The following ALCAM variants were observed in gnomAD, a reference collection of about 807,000 sequenced individuals.
ALCAM encodes the protein CD166 antigen.
In ALCAM, 30 loss-of-function variants were observed where a neutral mutation model predicts 70.9. The ratio of observed to expected loss-of-function variants is 0.42; its 90% confidence interval spans 0.32 to 0.57. ALCAM has a LOEUF of 0.57. Among genes scored for constraint, ALCAM ranks in the 20% least tolerant of loss-of-function variants. The probability of loss-of-function intolerance (pLI) is 0.11; values close to 1 mark genes in which losing one functional copy is unlikely to be tolerated. For synonymous variants in ALCAM, 249 were observed against 242.5 expected, an observed-to-expected ratio of 1.03 and a Z score of -0.25; for missense variants, 591 against 695.1, an observed-to-expected ratio of 0.85 and a Z score of 1.68.
At chr3:105,488,329 G>T (rs1938487992) in intron 1 of ALCAM, among the ~76,000 whole-genome samples, 1 of 152,048 alleles carries the variant, frequency 6.6e-6, no homozygotes, top group Non-Finnish European at 1.5e-5. Flanking sequence ...GCCATCAGTG[G>T]TCAAAGAGCT....
intron 1 of ALCAM, among the ~76,000 whole-genome samples, chr3:105,502,020 C>A (rs1315950936): frequency 6.6e-6 from 1 of 152,192 alleles, no homozygotes; most frequent in African/African-American, 2.4e-5. Context: ...AAAACTCCAA[C>A]AGCAAATTAA....
In ALCAM at chr3:105,367,163, G is replaced by A. The variant is rs1280811996; in HGVS notation, c.-246G>A. 1.7e-5 allele frequency: 9 copies of A among 530,420 alleles called. No individual in the cohort carries two copies. The highest frequency in any genetic ancestry group is 3.1e-5 in the Non-Finnish European group (9 of 292,696). The allele number at this position is 530,420 out of a possible 1,614,324, so 32.9% of individuals were successfully genotyped here. Reference sequence around the variant, plus strand: ...ACAGAGGGTCGTTGTCCCCGGAGGAGCAGCCGAAGGGCCCGTGGGCTGGTG... The same window carrying A: ...ACAGAGGGTCGTTGTCCCCGGAGGAACAGCCGAAGGGCCCGTGGGCTGGTG... On this transcript the variant is annotated 5_prime_UTR_variant, in exon 1 of 16. Coordinates refer to ENST00000306107, the MANE Select transcript of ALCAM (RefSeq NM_001627.4).
chr3:105,379,511 A>G (rs532616968), intron 1 of ALCAM, among the ~76,000 whole-genome samples: 8 of 151,834 alleles, frequency 5.3e-5, no homozygotes, highest in Non-Finnish European at 1.2e-4. Context: ...TTAAAATTAT[A>G]AAGACATATG....
intron 1 of ALCAM, among the ~76,000 whole-genome samples, chr3:105,510,658 G>A (rs1044136347): frequency 1.1e-4 from 16 of 152,018 alleles, no homozygotes; most frequent in Non-Finnish European, 1.6e-4. Context: ...CCCAGAAGAG[G>A]GGTTCATGTC....
intron 14 of ALCAM, among the ~76,000 whole-genome samples, chr3:105,555,406 T>C (rs1365036224): frequency 6.6e-6 from 1 of 152,058 alleles, no homozygotes; most frequent in Non-Finnish European, 1.5e-5. Flanking sequence ...AGTTATTCCT[T>C]GCTTGTGCCT....
intron 8 of ALCAM, among the ~76,000 whole-genome samples, chr3:105,543,575 C>A (rs1039473045): frequency 1.3e-5 from 2 of 151,664 alleles, no homozygotes; most frequent in South Asian, 4.1e-4. Flanking sequence ...GAAGCGCCAA[C>A]CCATTCTTGC....
chr3:105,508,934 C>T (rs574010389), intron 1 of ALCAM, among the ~76,000 whole-genome samples: 1 of 152,058 alleles, frequency 6.6e-6, no homozygotes, highest in South Asian at 2.1e-4. Context: ...GTGTATTTGC[C>T]TTTTCTAGAT....
In ALCAM at chr3:105,469,396, C is replaced by T. The variant is rs79430222; in HGVS notation, c.74-50671C>T. 2.5e-3 allele frequency among the ~76,000 whole-genome samples: 376 copies of T among 151,262 alleles called. 2 individuals are homozygous for T. The East Asian group carries it at 0.033, about 13-fold the overall frequency. On this transcript the variant is annotated intron_variant, in intron 1 of 15. Coordinates refer to ENST00000306107, the MANE Select transcript of ALCAM (RefSeq NM_001627.4). The stretch of plus-strand genomic sequence containing the variant: ...TCTCTTTTTCAGTATTTCTTCTCCT[C>T]GCTTTCCAGGTGCTATGGTGGTTCC...
chr3:105,539,839 A>C (rs921585544), intron 6 of ALCAM, 136 bp from the exon 7 acceptor site: 2 of 806,258 alleles, frequency 2.5e-6, no homozygotes, highest in Non-Finnish European at 3.7e-6. Flanking sequence ...CAATCCTTCT[A>C]TAAAAAGGTA....
chr3:105,449,911 G>A (rs759908495), intron 1 of ALCAM, among the ~76,000 whole-genome samples: 12 of 151,880 alleles, frequency 7.9e-5, no homozygotes, highest in Non-Finnish European at 1.2e-4. Context: ...TTTTATCCTC[G>A]TTTTCTAAAT....
At position 105,409,707 on chromosome 3, in the gene ALCAM, T is replaced by TA. The variant is rs202065938; in HGVS notation, c.73+42235dup. Reference sequence around the variant, plus strand: ...CCTGTTCCCCAAAACCTATAGAAATTAAAAAAAAATTAAAAAGAAAAGAAA... The same window carrying TA: ...CCTGTTCCCCAAAACCTATAGAAATTAAAAAAAAAATTAAAAAGAAAAGAAA... On this transcript the variant is annotated intron_variant, in intron 1 of 15. Coordinates refer to ENST00000306107, the MANE Select transcript of ALCAM (RefSeq NM_001627.4). Among the ~76,000 whole-genome samples, 334 of 151,232 alleles carry TA rather than the reference T, an allele frequency of 2.2e-3. 1 individual carries two copies. Among genetic ancestry groups the TA allele is most frequent in the African/African-American group, 7.4e-3 (306 of 41,284 alleles).
chr3:105,524,427 A>C lies in ALCAM; in HGVS notation c.313A>C (p.Ile105Leu). The C allele has an allele frequency of 6.2e-7, 1 of 1,614,170 alleles. No homozygotes were observed. Among genetic ancestry groups the C allele is most frequent in the Non-Finnish European group, 8.5e-7 (1 of 1,180,014 alleles). Residue 105 changes from isoleucine to leucine, a missense_variant, in exon 3 of 16, where the codon ATC (isoleucine) becomes CTC (leucine). Coordinates refer to ENST00000306107, the MANE Select transcript of ALCAM (RefSeq NM_001627.4). ...CACTTTGTCTATCAGTAATGCAAGG[A>C]TCAGTGATGAAAAGAGATTTGTGTG... ...NYTLSISNAR[I>L]SDEKRFVCML... is the part of the protein sequence containing the mutation.
At chr3:105,517,941 T>C (rs564128798) in intron 1 of ALCAM, among the ~76,000 whole-genome samples, 2 of 152,224 alleles carry the variant, frequency 1.3e-5, no homozygotes, top group South Asian at 2.1e-4. Flanking sequence ...CATGATCTCT[T>C]CCCTGTTCTG....
chr3:105,463,100 T>C (rs1937626781), intron 1 of ALCAM, among the ~76,000 whole-genome samples: 1 of 151,500 alleles, frequency 6.6e-6, no homozygotes. Flanking sequence ...TATTTTCCTG[T>C]GCACCTTCCA....
chr3:105,429,312 A>G (rs1036663391), intron 1 of ALCAM, among the ~76,000 whole-genome samples: 1 of 152,006 alleles, frequency 6.6e-6, no homozygotes, highest in African/African-American at 2.4e-5. Context: ...AATGAGAAGC[A>G]TGTTTTATTA....
chr3:105,530,434 T>A (rs1035522441), intron 3 of ALCAM, among the ~76,000 whole-genome samples: 1 of 152,064 alleles, frequency 6.6e-6, no homozygotes, highest in African/African-American at 2.4e-5. Flanking sequence ...GAAGCTTTTT[T>A]TTCTTGGTCA....
At chr3:105,564,051 C>T (rs1393943628) in intron 14 of ALCAM, among the ~76,000 whole-genome samples, 1 of 151,816 alleles carries the variant, frequency 6.6e-6, no homozygotes, top group Non-Finnish European at 1.5e-5. Context: ...CTTTGAAGTA[C>T]ATTGAGATTT....
intron 1 of ALCAM, among the ~76,000 whole-genome samples, chr3:105,435,568 T>C (rs1240685716): frequency 6.6e-6 from 1 of 152,218 alleles, no homozygotes; most frequent in Non-Finnish European, 1.5e-5. Context: ...TAGTAGCAAG[T>C]AATAAGATGC....
chr3:105,412,609 C>T (rs546825485), intron 1 of ALCAM, among the ~76,000 whole-genome samples: 2 of 152,018 alleles, frequency 1.3e-5, no homozygotes, highest in Non-Finnish European at 2.9e-5. Context: ...CATATTGTTT[C>T]TTTTACACGT....
Sources: allele counts gnomAD v4.1 joint callset (sites outside exome capture counted in the v4.1 genomes callset), GRCh38; gene constraint gnomAD v4.1.1; transcripts MANE v1.5; gene names NCBI Gene and HGNC (gene_info 2026-07-23, HGNC 2026-07-21).